The following TRPM3 variants were observed in gnomAD, a reference collection of about 807,000 sequenced individuals.
TRPM3 encodes long transient receptor potential channel 3.
Under a neutral mutation model 181.2 loss-of-function variants are expected in TRPM3, and 77 were observed. The ratio of observed to expected loss-of-function variants is 0.42; its 90% CI spans 0.35 to 0.51. TRPM3 has a LOEUF of 0.51. Ranked by LOEUF, TRPM3 falls within the 20% of genes least tolerant of loss-of-function variation. The pLI, the probability that TRPM3 is intolerant of heterozygous loss-of-function variation, is 0.01. For missense variants in TRPM3, 1,759 were observed against 2,196.7 expected (o/e 0.80, Z 3.98); for synonymous variants, 745 against 796.4 (o/e 0.94, Z 1.09).
chr9:70,654,083 T>C (rs2059951199), intron 9 of TRPM3, among the ~76,000 whole-genome samples: 2 of 150,154 alleles, frequency 1.3e-5, no homozygotes, highest in African/African-American at 5.0e-5. Context: ...TTTTTTTTTT[T>C]CTTCCTTGGA....
At chr9:70,605,496 A>G (rs986089982) in intron 19 of TRPM3, among the ~76,000 whole-genome samples, 2 of 147,720 alleles carry the variant, frequency 1.4e-5, no homozygotes, top group Non-Finnish European at 3.0e-5. Flanking sequence ...CTAAGTTCCT[A>G]CCCCTCCCCA....
chr9:70,959,247 T>A (rs892057316), intron 1 of TRPM3, among the ~76,000 whole-genome samples: 3 of 151,982 alleles, frequency 2.0e-5, no homozygotes, highest in Non-Finnish European at 2.9e-5. Context: ...ATTTTGCACA[T>A]CCCTAATGCC....
At chr9:70,914,604 T>C (rs978974100) in intron 1 of TRPM3, among the ~76,000 whole-genome samples, 5 of 152,128 alleles carry the variant, frequency 3.3e-5, no homozygotes, top group Non-Finnish European at 7.4e-5. Context: ...TGAGCAAACA[T>C]AGGAGACAGC....
At chr9:71,112,057 C>T (rs74700232) in intron 1 of TRPM3, among the ~76,000 whole-genome samples, 2,378 of 152,180 alleles carry the variant, frequency 0.016, 47 homozygotes, top group East Asian at 0.077. Flanking sequence ...TACCTTCAAA[C>T]GGAAACACCA....
At chr9:70,922,632 T>G (rs1376849631) in intron 1 of TRPM3, among the ~76,000 whole-genome samples, 7 of 152,206 alleles carry the variant, frequency 4.6e-5, no homozygotes, top group African/African-American at 1.7e-4. Flanking sequence ...ACTAAATCAT[T>G]TCTTTCAGAA....
At chr9:71,140,585 T>C (rs1292407231) in intron 1 of TRPM3, among the ~76,000 whole-genome samples, 1 of 152,204 alleles carries the variant, frequency 6.6e-6, no homozygotes, top group Non-Finnish European at 1.5e-5. Context: ...ACAGTATCTT[T>C]AAGGCAAATA....
At chr9:71,414,186 T>C (rs1253759563) in intron 1 of TRPM3, among the ~76,000 whole-genome samples, 1 of 152,078 alleles carries the variant, frequency 6.6e-6, no homozygotes, top group Non-Finnish European at 1.5e-5. Flanking sequence ...AGCTAAAAGA[T>C]ACTATTAAGA....
chr9:71,311,504 A>G (rs1315556680), intron 1 of TRPM3, among the ~76,000 whole-genome samples: 8 of 152,192 alleles, frequency 5.3e-5, no homozygotes, highest in African/African-American at 1.9e-4. Context: ...AAGGCAATAC[A>G]ATGAAGCAAA....
At chr9:70,977,680 G>A (rs1263406327) in intron 1 of TRPM3, among the ~76,000 whole-genome samples, 5 of 152,170 alleles carry the variant, frequency 3.3e-5, no homozygotes, top group African/African-American at 1.2e-4. Flanking sequence ...CTGTAAAGTT[G>A]GGAACTCTCA....
At chr9:71,298,294 C>T (rs2086467568) in intron 1 of TRPM3, among the ~76,000 whole-genome samples, 1 of 152,006 alleles carries the variant, frequency 6.6e-6, no homozygotes, top group African/African-American at 2.4e-5. Flanking sequence ...AAGTATAATC[C>T]ATACATCTGG....
chr9:70,752,791 G>A (rs2076411283), intron 8 of TRPM3, among the ~76,000 whole-genome samples: 1 of 152,116 alleles, frequency 6.6e-6, no homozygotes, highest in Non-Finnish European at 1.5e-5. Flanking sequence ...GTGTGTAGTA[G>A]GCTATGTTGT....
Position 71,389,974 on chromosome 9 carries a change from A to T in TRPM3, c.183+56679T>A, listed in dbSNP as rs1039164615. 1.3e-4 allele frequency among the ~76,000 whole-genome samples: 20 copies of T among 149,164 alleles called. 1 individual carries two copies. The highest frequency in any genetic ancestry group is 5.4e-4 in the Admixed American group (8 of 14,694). On this transcript the variant is annotated intron_variant, in intron 1 of 24. Transcript: ENST00000357533. ...CAATAACTTATGGAAAAATAAAATT[A>T]AAAAAAACTTATTTGGAAAATATTT...
chr9:71,419,436 T>G (rs2093692513), intron 1 of TRPM3, among the ~76,000 whole-genome samples: 1 of 151,996 alleles, frequency 6.6e-6, no homozygotes, highest in Admixed American at 6.6e-5. Context: ...TTATTAGGTA[T>G]CTTTTTCCCT....
chr9:70,665,302 C>T (rs1397253514), intron 9 of TRPM3, among the ~76,000 whole-genome samples: 1 of 152,080 alleles, frequency 6.6e-6, no homozygotes, highest in African/African-American at 2.4e-5. Context: ...GGGTATTAGA[C>T]TTTGAAGAAT....
chr9:71,028,231 G>A (rs766212874), intron 1 of TRPM3, among the ~76,000 whole-genome samples: 3 of 152,074 alleles, frequency 2.0e-5, no homozygotes, highest in Non-Finnish European at 4.4e-5. Flanking sequence ...TATAAGTGAA[G>A]GAGAGAAATA....
intron 1 of TRPM3, among the ~76,000 whole-genome samples, chr9:70,906,435 G>T (rs908150397): frequency 5.3e-5 from 8 of 152,174 alleles, no homozygotes; most frequent in African/African-American, 1.9e-4. Context: ...GATAGGGCTG[G>T]TGACCTCCTG....
chr9:70,848,696 GGCCGGGCGCGGTGGC>G (rs2095089808), intron 3 of TRPM3, among the ~76,000 whole-genome samples: 3 of 118,318 alleles, frequency 2.5e-5, no homozygotes, highest in African/African-American at 3.2e-5. Context: ...GAAATTACCT[GGCCGGGCGCGGTGGC>G]TCACGCCTGT....
chr9:70,983,039 T>A (rs2097379547), intron 1 of TRPM3, among the ~76,000 whole-genome samples: 1 of 152,118 alleles, frequency 6.6e-6, no homozygotes, highest in Admixed American at 6.5e-5. Flanking sequence ...TGACCCTTCA[T>A]CCTACTCAAC....
At chr9:70,599,686 C>A (rs1025115870) in intron 20 of TRPM3, among the ~76,000 whole-genome samples, 9 of 152,230 alleles carry the variant, frequency 5.9e-5, no homozygotes, top group African/African-American at 2.2e-4. Context: ...GGTCTCTGAT[C>A]AAATGTCCCC....
Sources: gnomAD v4.1 joint callset for allele counts (sites outside exome capture counted in the v4.1 genomes callset) on GRCh38, gnomAD v4.1.1 for gene constraint, MANE v1.5 for transcripts, NCBI Gene and HGNC (gene_info 2026-07-23, HGNC 2026-07-21) for gene names.